SCNN1D: variants seen among roughly 807,000 people sequenced by gnomAD.
SCNN1D encodes the protein sodium channel epithelial 1 subunit delta.
Under a neutral mutation model 87.8 loss-of-function variants are expected in SCNN1D, and 104 were observed. The ratio of observed to expected loss-of-function variants is 1.18; its 90% CI spans 1.01 to 1.39. SCNN1D has a LOEUF of 1.39. Among genes scored for constraint, SCNN1D ranks in the 40% most tolerant of loss-of-function variants. SCNN1D has a pLI of 0.00. For missense variants in SCNN1D, 1,324 were observed against 1,093.9 expected, an observed-to-expected ratio of 1.21 and a Z score of -2.97; for synonymous variants, 628 against 481.2, an observed-to-expected ratio of 1.31 and a Z score of -3.99.
At chr1:1,285,535 G>T (rs1297330674) in intron 5 of SCNN1D, 36 bp from the exon 6 acceptor site, 1 of 1,370,396 alleles carries the variant, frequency 7.3e-7, no homozygotes, top group South Asian at 1.4e-5. Flanking sequence ...CCCACGCGGG[G>T]CGCATGGACA....
intron 12 of SCNN1D, 117 bp from the exon 13 acceptor site, chr1:1,290,154 C>G (rs1315942485): frequency 1.8e-6 from 1 of 569,686 alleles, no homozygotes; most frequent in African/African-American, 2.3e-5. Context: ...CGTCCCGTGT[C>G]TCTGCTCCGT....
rs1480113550 is a variant in SCNN1D at position 1,280,635 on chromosome 1, G to A, written c.-27G>A. 2.9e-6 allele frequency: 2 copies of A among 700,224 alleles called. No individual in the cohort carries two copies. Among genetic ancestry groups the A allele is most frequent in the South Asian group, 1.5e-5 (1 of 67,524 alleles). The allele number at this position is 700,224 out of a possible 1,614,324, so 43.4% of individuals were successfully genotyped here. A position where few individuals can be genotyped will look rare whatever the true frequency, so the allele number is the denominator to read the frequency against. ...CAAGGCCTGAGGTGATGCTGATGCT[G>A]TGCCTGAATTCCAGCAGGGAGGAGG... is the stretch of plus-strand genomic sequence containing the variant. On this transcript the variant is annotated 5_prime_UTR_variant, in exon 1 of 18. It adds an upstream start codon to the 5' untranslated region. Transcript: ENST00000379116.
rs367838697 is a variant in SCNN1D at position 1,291,632 on chromosome 1, C to T, written c.*22C>T. ...CTGAACCAGACCTGCCAGGGCTGTG[C>T]GATCTCTTGGCCTGGTCCTTGCAGC... is the stretch of plus-strand genomic sequence containing the variant. On this transcript the variant is annotated 3_prime_UTR_variant, in exon 18 of 18. Coordinates refer to ENST00000379116, the MANE Select transcript of SCNN1D (RefSeq NM_001130413.4). The T allele has an allele frequency of 8.8e-5, 130 of 1,480,176 alleles. 1 individual carries two copies. Among genetic ancestry groups the T allele is most frequent in the Admixed American group, 1.8e-4 (8 of 43,394 alleles). 91.7% of individuals were successfully genotyped at this position (1,480,176 alleles called of 1,614,324 possible).
At chr1:1,285,020 C>T (rs950118169) in intron 5 of SCNN1D, among the ~76,000 whole-genome samples, 6 of 152,220 alleles carry the variant, frequency 3.9e-5, no homozygotes, top group Admixed American at 1.3e-4. Context: ...AAGACCCTTC[C>T]GAGCCTCTTA....
Position 1,286,200 on chromosome 1 carries a change from C to T in SCNN1D, c.833C>T (p.Pro278Leu), listed in dbSNP as rs771561276. The T allele has an allele frequency of 1.1e-5, 18 of 1,600,982 alleles. No homozygotes were observed. Among genetic ancestry groups the T allele is most frequent in the East Asian group, 2.2e-5 (1 of 44,584 alleles). The change falls in exon 7 of 18, where the codon CCG becomes CTG. Residue 278 changes from proline (P) to leucine (L), a missense_variant. Pro to Leu is a moderately conservative substitution (Grantham distance 98, BLOSUM62 -3). Coordinates refer to ENST00000379116, the MANE Select transcript of SCNN1D (RefSeq NM_001130413.4). ...GLLFERHWHR[P>L]VLMAVSVHSE... Reference sequence around the variant, plus strand: ...CTCTTTGAGCGTCACTGGCACCGCCCGGTCCTCATGGCCGTCTCTGTGCAC... The same window carrying T: ...CTCTTTGAGCGTCACTGGCACCGCCTGGTCCTCATGGCCGTCTCTGTGCAC...
chr1:1,287,367 C>T lies in SCNN1D; in HGVS notation c.1310+68C>T, dbSNP rs1037601194. 8.0e-6 allele frequency: 12 copies of T among 1,494,116 alleles called. 1 individual carries two copies. Among genetic ancestry groups the T allele is most frequent in the South Asian group, 5.3e-5 (4 of 76,188 alleles). The allele number at this position is 1,494,116 out of a possible 1,614,324, so 92.6% of individuals were successfully genotyped here. On this transcript the variant is annotated intron_variant, in intron 9 of 17. Transcript: ENST00000379116. ...CAGAGCGTGGCCGCACCCCTGGGGT[C>T]CCTCTGGCTGTATGCTGGGAGCCAC...
rs772633148 is a variant in SCNN1D, at chr1:1,285,670, G to A, written c.558+6G>A. ...CTGCCTGCAAACAGGGCCAGGTAGG[G>A]CCTGAGCACCCTGTTCTCTGAGTCC... is the stretch of plus-strand genomic sequence containing the variant. On this transcript the variant is annotated splice_donor_region_variant and intron_variant, in intron 6 of 17. Transcript: ENST00000379116. The A allele has an allele frequency of 2.0e-6, 3 of 1,532,052 alleles. No homozygotes were observed. In the South Asian group the frequency reaches 3.7e-5, roughly 19 times the overall value. The allele number at this position is 1,532,052 out of a possible 1,614,324, so 94.9% of individuals were successfully genotyped here.
chr1:1,283,074 G>A (rs1292800808), intron 4 of SCNN1D, among the ~76,000 whole-genome samples: 1 of 152,134 alleles, frequency 6.6e-6, no homozygotes, highest in Non-Finnish European at 1.5e-5. Flanking sequence ...TTCCATGTGT[G>A]CCAGCATCTT....
In SCNN1D at chr1:1,287,526, C is replaced by T; in HGVS notation, c.1329C>T (p.His443=). The change falls in exon 10 of 18, where the codon CAC becomes CAT. Residue 443 remains histidine (H), a synonymous_variant. Transcript: ENST00000379116. ...DCQARQFRTF[H]HPTYGSCYTV... ...ATTCCAGACAGTTCCGGACCTTCCA[C>T]CACCCCACCTACGGCAGCTGCTACA... The T allele has an allele frequency of 6.5e-7, 1 of 1,528,524 alleles. No homozygotes were observed. Among genetic ancestry groups the T allele is most frequent in the Non-Finnish European group, 8.8e-7 (1 of 1,136,156 alleles). 94.7% of individuals were successfully genotyped at this position (1,528,524 alleles called of 1,614,324 possible).
At position 1,291,322 on chromosome 1, in the gene SCNN1D, C is replaced by T. The variant is rs1199165157; in HGVS notation, c.2121C>T (p.Leu707=). The T allele has an allele frequency of 1.3e-6, 2 of 1,597,662 alleles. No homozygotes were observed. The highest frequency in any genetic ancestry group is 2.7e-5 in the African/African-American group (2 of 74,454). The part of the protein sequence containing the change: ...SLWFGASVLS[L]LELLELLLDA... The stretch of plus-strand genomic sequence containing the variant: ...GGTTTGGGGCCTCCGTCCTCTCCCT[C>T]CTGGAGCTCCTGGAGCTGCTGCTCG... Residue 707 remains leucine, a synonymous_variant, in exon 18 of 18, where the codon CTC becomes CTT. Coordinates refer to ENST00000379116, the MANE Select transcript of SCNN1D (RefSeq NM_001130413.4).
rs575543343 is a variant in SCNN1D, at chr1:1,287,759, C to G, written c.1486C>G (p.Arg496Gly). 6.2e-7 allele frequency: 1 copy of G among 1,601,900 alleles called. No homozygotes were observed. Among genetic ancestry groups the G allele is most frequent in the Non-Finnish European group, 8.5e-7 (1 of 1,174,778 alleles). The stretch of plus-strand genomic sequence containing the variant: ...CGGCATCAGGGTCATGGTTCACGGC[C>G]GTAACCACACGCCCTTCCTGGGGCA... ...LAGIRVMVHG[R>G]NHTPFLGHHS... Residue 496 changes from arginine to glycine, a missense_variant, in exon 11 of 18, where the codon CGT becomes GGT. Arg to Gly is a moderately radical substitution (Grantham distance 125). Transcript: ENST00000379116.
At chr1:1,286,711 T>C (rs1464377397) in intron 7 of SCNN1D, 57 bp from the exon 8 acceptor site, 9 of 1,506,950 alleles carry the variant, frequency 6.0e-6, no homozygotes, top group African/African-American at 1.4e-5. Flanking sequence ...ACTGGGATGC[T>C]GGGGCCAGTG....
At chr1:1,290,216 C>T (rs1032299965) in intron 12 of SCNN1D, 55 bp from the exon 13 acceptor site, 17 of 1,318,564 alleles carry the variant, frequency 1.3e-5, no homozygotes, top group African/African-American at 3.0e-5. Flanking sequence ...GTCTCTGCCC[C>T]GTCCCCCATG....
intron 1 of SCNN1D, 36 bp downstream of exon 1, chr1:1,280,702 G>C: frequency 5.7e-6 from 4 of 700,676 alleles, no homozygotes; most frequent in Non-Finnish European, 1.0e-5. Context: ...AGCTGAGCTA[G>C]TTTTTCAGGT....
intron 5 of SCNN1D, among the ~76,000 whole-genome samples, chr1:1,284,546 CGGGGGG>C (rs1640545901): frequency 1.4e-5 from 2 of 144,562 alleles, no homozygotes; most frequent in Non-Finnish European, 3.1e-5. Context: ...TGCTGGACCA[CGGGGGG>C]TGCACAGCGT....
chr1:1,291,354 C>T lies in SCNN1D; in HGVS notation c.2153C>T (p.Ser718Phe), dbSNP rs764851291. The T allele has an allele frequency of 2.1e-5, 34 of 1,608,028 alleles. No individual in the cohort carries two copies. In the Admixed American group the frequency reaches 4.5e-4, roughly 21 times the overall value. ...LELLELLLDA[S>F]ALTLVLGGRR... is the part of the protein sequence containing the mutation. ...CTCCTGGAGCTGCTGCTCGATGCTTCTGCCCTCACCCTGGTGCTAGGCGGC... is the reference window on the plus strand; with the variant it reads ...CTCCTGGAGCTGCTGCTCGATGCTTTTGCCCTCACCCTGGTGCTAGGCGGC... The change falls in exon 18 of 18, where the codon TCT becomes TTT. Residue 718 changes from serine (S) to phenylalanine (F), a missense_variant. By Grantham distance (155) the Ser-to-Phe change is radical. Transcript: ENST00000379116.
At chr1:1,282,964 G>A in intron 4 of SCNN1D, among the ~76,000 whole-genome samples, 1 of 152,094 alleles carries the variant, frequency 6.6e-6, no homozygotes, top group East Asian at 1.9e-4. Context: ...GTGTTAGGCA[G>A]GATGGTCTCA....
intron 5 of SCNN1D, among the ~76,000 whole-genome samples, chr1:1,284,858 C>T (rs985785435): frequency 6.6e-6 from 1 of 152,112 alleles, no homozygotes; most frequent in African/African-American, 2.4e-5. Context: ...GGTCCAGGCC[C>T]TGCCTCACTC....
At chr1:1,283,946 A>G (rs1640519109) in intron 4 of SCNN1D, 32 bp from the exon 5 acceptor site, 2 of 1,326,926 alleles carry the variant, frequency 1.5e-6, no homozygotes, top group Non-Finnish European at 2.0e-6. Flanking sequence ...CCTGCAGCAC[A>G]GTCCCACGCC....
Sources: allele counts gnomAD v4.1 joint callset (sites outside exome capture counted in the v4.1 genomes callset), GRCh38; gene constraint gnomAD v4.1.1; transcripts MANE v1.5; gene names NCBI Gene and HGNC (gene_info 2026-07-23, HGNC 2026-07-21).